Variants in MARCHF1 observed in about 807,000 individuals in gnomAD.
MARCHF1 encodes the protein E3 ubiquitin-protein ligase MARCHF1.
A neutral mutation model predicts 54.2 loss-of-function variants in MARCHF1; 40 were observed. The observed-to-expected ratio is 0.74, with a 90% CI of 0.57 to 0.96. The LOEUF (loss-of-function observed/expected upper bound fraction) is 0.96. MARCHF1 is among the 40% of genes least tolerant of loss of function. The pLI, the probability that MARCHF1 is intolerant of heterozygous loss-of-function variation, is 0.00. For missense variants in MARCHF1, 586 were observed against 656.5 expected (o/e 0.89, Z 1.17); for synonymous variants, 236 against 236.3 (o/e 1.00, Z 0.01).
intron 1 of MARCHF1, among the ~76,000 whole-genome samples, chr4:164,324,164 A>G (rs981294763): frequency 2.0e-5 from 3 of 151,926 alleles, no homozygotes; most frequent in African/African-American, 7.2e-5. Context: ...TCAATTACAC[A>G]AACAAACAGA....
chr4:163,882,348 T>G (rs1281594512), intron 3 of MARCHF1, among the ~76,000 whole-genome samples: 1 of 152,180 alleles, frequency 6.6e-6, no homozygotes, highest in Admixed American at 6.5e-5. Flanking sequence ...CATAAAGTCT[T>G]TAGACAGCCT....
At chr4:163,678,173 A>C (rs996627607) in intron 5 of MARCHF1, among the ~76,000 whole-genome samples, 1 of 152,200 alleles carries the variant, frequency 6.6e-6, no homozygotes, top group Non-Finnish European at 1.5e-5. Context: ...CTTATACTAA[A>C]ACATGGGTGT....
intron 1 of MARCHF1, among the ~76,000 whole-genome samples, chr4:164,251,998 T>C (rs1455500954): frequency 1.3e-5 from 2 of 152,136 alleles, no homozygotes; most frequent in Non-Finnish European, 2.9e-5. Flanking sequence ...AAATAAAGGC[T>C]AAGGGAGAAA....
At chr4:163,540,596 C>G (rs1055502752) in intron 9 of MARCHF1, among the ~76,000 whole-genome samples, 1 of 152,160 alleles carries the variant, frequency 6.6e-6, no homozygotes, top group Non-Finnish European at 1.5e-5. Flanking sequence ...ATGTTTCAAT[C>G]TATTTGATGC....
At chr4:164,147,632 T>G (rs1729790112) in intron 1 of MARCHF1, among the ~76,000 whole-genome samples, 1 of 135,858 alleles carries the variant, frequency 7.4e-6, no homozygotes, top group Admixed American at 8.1e-5. Flanking sequence ...TGAGAACACA[T>G]GGACACAGGA....
intron 1 of MARCHF1, among the ~76,000 whole-genome samples, chr4:164,155,873 G>A (rs1464922866): frequency 6.6e-6 from 1 of 152,088 alleles, no homozygotes; most frequent in Admixed American, 6.5e-5. Context: ...GATACTAAGA[G>A]CTCCCCTCTG....
At chr4:163,903,903 A>T (rs1216672103) in intron 3 of MARCHF1, among the ~76,000 whole-genome samples, 2 of 152,162 alleles carry the variant, frequency 1.3e-5, no homozygotes, top group Non-Finnish European at 2.9e-5. Context: ...GGCATGAGCC[A>T]CCTCGCCTGG....
intron 3 of MARCHF1, among the ~76,000 whole-genome samples, chr4:163,936,297 C>CA (rs1158132060): frequency 2.0e-5 from 3 of 152,086 alleles, no homozygotes; most frequent in Non-Finnish European, 4.4e-5. Context: ...TTGAAGTGAG[C>CA]ACATGCTATT....
At chr4:164,099,372 T>C (rs1349239686) in intron 2 of MARCHF1, among the ~76,000 whole-genome samples, 3 of 152,210 alleles carry the variant, frequency 2.0e-5, no homozygotes, top group Admixed American at 6.5e-5. Flanking sequence ...AAATACTATG[T>C]CTGTCTATAT....
chr4:164,052,504 C>A (rs180998408), intron 2 of MARCHF1, among the ~76,000 whole-genome samples: 102 of 152,128 alleles, frequency 6.7e-4, no homozygotes, highest in South Asian at 1.5e-3. Context: ...TGCACTGCAG[C>A]CTGGGTGACA....
chr4:163,651,441 A>G (rs1048271561), intron 5 of MARCHF1, among the ~76,000 whole-genome samples: 2 of 150,760 alleles, frequency 1.3e-5, no homozygotes, highest in Non-Finnish European at 3.0e-5. Context: ...GCTGAGTGTT[A>G]GTTTTCCTAC....
chr4:164,316,248 A>G (rs1274884830), intron 1 of MARCHF1, among the ~76,000 whole-genome samples: 1 of 152,178 alleles, frequency 6.6e-6, no homozygotes, highest in Non-Finnish European at 1.5e-5. Context: ...CTAGCATGAC[A>G]TGTCAAAAGT....
intron 5 of MARCHF1, among the ~76,000 whole-genome samples, chr4:163,674,999 AATAAAG>A (rs1190878324): frequency 2.0e-5 from 3 of 152,200 alleles, no homozygotes; most frequent in Non-Finnish European, 4.4e-5. Flanking sequence ...CACAAAATTT[AATAAAG>A]ATAAACTTAA....
chr4:164,137,682 G>A (rs527821549), intron 1 of MARCHF1, among the ~76,000 whole-genome samples: 1 of 151,920 alleles, frequency 6.6e-6, no homozygotes, highest in East Asian at 1.9e-4. Flanking sequence ...CTCTTAATTT[G>A]GGGAATTACA....
intron 1 of MARCHF1, among the ~76,000 whole-genome samples, chr4:164,128,077 A>G (rs1463450333): frequency 6.6e-6 from 1 of 152,190 alleles, no homozygotes; most frequent in Non-Finnish European, 1.5e-5. Context: ...TAAAACAAAA[A>G]TGTGAGGATA....
At chr4:164,078,774 A>G (rs1156704452) in intron 2 of MARCHF1, among the ~76,000 whole-genome samples, 1 of 152,202 alleles carries the variant, frequency 6.6e-6, no homozygotes, top group Admixed American at 6.5e-5. Context: ...TTCCGAGCAT[A>G]AAAACCTGTA....
intron 1 of MARCHF1, chr4:164,196,895 G>T: frequency 1.5e-6 from 2 of 1,322,606 alleles, no homozygotes; most frequent in South Asian, 2.5e-5. Flanking sequence ...AGTTTCAGGG[G>T]GCAGGATTGG....
At chr4:163,834,668 A>G (rs1340905593) in intron 4 of MARCHF1, among the ~76,000 whole-genome samples, 10 of 143,946 alleles carry the variant, frequency 6.9e-5, no homozygotes, top group Non-Finnish European at 1.2e-4. Flanking sequence ...GAAATTGGAA[A>G]TCATCATTCT....
At chr4:163,894,443 G>C (rs1750730595) in intron 3 of MARCHF1, among the ~76,000 whole-genome samples, 1 of 151,522 alleles carries the variant, frequency 6.6e-6, no homozygotes, top group African/African-American at 2.4e-5. Context: ...GTGAATGAAA[G>C]ATTAATAAAG....
Sources: gnomAD v4.1 joint callset for allele counts (sites outside exome capture counted in the v4.1 genomes callset) on GRCh38, gnomAD v4.1.1 for gene constraint, MANE v1.5 for transcripts, NCBI Gene and HGNC (gene_info 2026-07-23, HGNC 2026-07-21) for gene names.